The following SLC30A4 variants were observed in gnomAD, a reference collection of about 807,000 sequenced individuals.
SLC30A4 encodes probable proton-coupled zinc antiporter SLC30A4.
In SLC30A4, 20 loss-of-function variants were observed where a neutral mutation model predicts 41.7. That is an observed-to-expected ratio of 0.48 (90% CI 0.34 to 0.70). The LOEUF (loss-of-function observed/expected upper bound fraction) is 0.70. Ranked by LOEUF, SLC30A4 falls within the 30% of genes least tolerant of loss-of-function variation. The probability of loss-of-function intolerance (pLI) is 0.01; values close to 1 mark genes in which losing one functional copy is unlikely to be tolerated. For synonymous variants in SLC30A4, 181 were observed against 195.9 expected (o/e 0.92, Z 0.64); for missense variants, 441 against 529.3 (o/e 0.83, Z 1.64).
At position 45,500,614 on chromosome 15, in the gene SLC30A4, GTCTATCTATCTA is replaced by G. The variant is rs10593774; in HGVS notation, c.539-9745_539-9734del. ...TACTATCCAGCTATGTTAAGGGTCT[GTCTATCTATCTA>G]TCTATCTATCTATCTATCTATCTAT... On this transcript the variant is annotated intron_variant, in intron 3 of 7. Transcript: ENST00000261867. Among the ~76,000 whole-genome samples, 1,399 of 149,734 alleles carry G rather than the reference GTCTATCTATCTA, an allele frequency of 9.3e-3. 15 individuals are homozygous for G. The highest frequency in any genetic ancestry group is 0.053 in the South Asian group (247 of 4,668).
intron 3 of SLC30A4, among the ~76,000 whole-genome samples, chr15:45,491,462 T>G (rs188365472): frequency 3.3e-5 from 5 of 152,328 alleles, no homozygotes; most frequent in Admixed American, 3.3e-4. Flanking sequence ...TGGTGGCTCA[T>G]GCCTGTAATC....
At chr15:45,490,167 A>G (rs1369572967) in intron 4 of SLC30A4, among the ~76,000 whole-genome samples, 1 of 152,048 alleles carries the variant, frequency 6.6e-6, no homozygotes, top group Admixed American at 6.6e-5. Flanking sequence ...TCATAGCTCA[A>G]TGCAGTCTTG....
At chr15:45,518,798 C>T (rs1182462745) in intron 2 of SLC30A4, among the ~76,000 whole-genome samples, 1 of 152,102 alleles carries the variant, frequency 6.6e-6, no homozygotes, top group Non-Finnish European at 1.5e-5. Context: ...CTCCTGAGCT[C>T]AAGCGATCCT....
At chr15:45,494,294 T>G (rs1306285838) in intron 3 of SLC30A4, among the ~76,000 whole-genome samples, 2 of 151,932 alleles carry the variant, frequency 1.3e-5, no homozygotes, top group Admixed American at 1.3e-4. Flanking sequence ...AAACAAAAAG[T>G]AAATAAGTTA....
At chr15:45,485,436 C>A (rs970210170) in intron 7 of SLC30A4, 119 bp from the exon 8 acceptor site, 1 of 659,692 alleles carries the variant, frequency 1.5e-6, no homozygotes, top group African/African-American at 1.9e-5. Context: ...GATTTCTACC[C>A]TCTCTAAGCT....
chr15:45,489,240 G>A (rs905942570), intron 4 of SLC30A4, among the ~76,000 whole-genome samples, 198 bp from the exon 5 acceptor site: 1 of 152,078 alleles, frequency 6.6e-6, no homozygotes, highest in Non-Finnish European at 1.5e-5. Flanking sequence ...TGGAGCTTAT[G>A]TTCTAGTAGA....
At position 45,522,343 on chromosome 15, in the gene SLC30A4, A is replaced by G. The variant is rs752573585; in HGVS notation, c.12T>C (p.Ser4=). 1 of 1,609,742 alleles carries G rather than the reference A, an allele frequency of 6.2e-7. No individual in the cohort carries two copies. Among genetic ancestry groups the G allele is most frequent in the East Asian group, 2.2e-5 (1 of 44,840 alleles). The change falls in exon 2 of 8, where the codon TCT becomes TCC. Residue 4 remains serine, a synonymous_variant. Coordinates refer to ENST00000261867, the MANE Select transcript of SLC30A4 (RefSeq NM_013309.6). ...TAGATTTGAGGCGCTTCCACGCGCCAGAGCCGGCCATGGCAGAGGCTGAGC... is the reference window on the plus strand; with the variant it reads ...TAGATTTGAGGCGCTTCCACGCGCCGGAGCCGGCCATGGCAGAGGCTGAGC... MAG[S]GAWKRLKSML...
intron 4 of SLC30A4, among the ~76,000 whole-genome samples, chr15:45,489,992 G>C (rs1040935551): frequency 2.6e-5 from 4 of 151,916 alleles, no homozygotes; most frequent in African/African-American, 9.7e-5. Flanking sequence ...AGAATATATA[G>C]ATCTCAAAGC....
chr15:45,496,138 A>G (rs533527801), intron 3 of SLC30A4, among the ~76,000 whole-genome samples: 2 of 152,366 alleles, frequency 1.3e-5, no homozygotes, highest in East Asian at 3.9e-4. Context: ...CTAACTAAAA[A>G]TTCTAAGAGC....
chr15:45,481,742 G>C lies in SLC30A4; in HGVS notation c.*3421C>G, dbSNP rs1302637946. 1 of 152,114 alleles carries C rather than the reference G, an allele frequency of 6.6e-6. No individual in the cohort carries two copies. Among genetic ancestry groups the C allele is most frequent in the African/African-American group, 2.4e-5 (1 of 41,420 alleles). The allele number at this position is 152,114 out of a possible 1,614,324, so 9.4% of individuals were successfully genotyped here. A position where few individuals can be genotyped will look rare whatever the true frequency, so the allele number is the denominator to read the frequency against. ...TTTTGTCAGAAGTCATTCAGTCCTT[G>C]GTCCTATCTGCTAAGTTAATGTCCT... On this transcript the variant is annotated 3_prime_UTR_variant, in exon 8 of 8. Coordinates refer to ENST00000261867, the MANE Select transcript of SLC30A4 (RefSeq NM_013309.6).
chr15:45,486,919 A>C (rs1376392267), intron 6 of SLC30A4, among the ~76,000 whole-genome samples, 174 bp from the exon 7 acceptor site: 1 of 152,146 alleles, frequency 6.6e-6, no homozygotes, highest in Non-Finnish European at 1.5e-5. Context: ...TTTTATTAAA[A>C]ATGTAAGATA....
intron 3 of SLC30A4, among the ~76,000 whole-genome samples, chr15:45,507,499 C>CA (rs1193072050): frequency 9.5e-5 from 13 of 136,512 alleles, no homozygotes; most frequent in Non-Finnish European, 1.9e-4. Context: ...TTTCTTTTTC[C>CA]TTTTTTTTTT....
At chr15:45,492,754 G>A (rs1174288427) in intron 3 of SLC30A4, among the ~76,000 whole-genome samples, 1 of 151,900 alleles carries the variant, frequency 6.6e-6, no homozygotes, top group African/African-American at 2.4e-5. Flanking sequence ...AAAGAAAAAA[G>A]AGAATATATA....
chr15:45,490,681 G>A lies in SLC30A4; in HGVS notation c.692+47C>T. Reference sequence around the variant, plus strand: ...ACTGAATGCATATGCAATAGTCTCTGAGTTCACAGTACTTGAAAATATTAA... The same window carrying A: ...ACTGAATGCATATGCAATAGTCTCTAAGTTCACAGTACTTGAAAATATTAA... On this transcript the variant is annotated intron_variant, in intron 4 of 7. Transcript: ENST00000261867. 4 of 1,299,180 alleles carry A rather than the reference G, an allele frequency of 3.1e-6. No homozygotes were observed. The South Asian group carries it at 5.8e-5, about 19-fold the overall frequency. The allele number at this position is 1,299,180 out of a possible 1,614,324, so 80.5% of individuals were successfully genotyped here.
rs1891580301 is a variant in SLC30A4, at chr15:45,479,941, G to A, written c.*5222C>T. Reference sequence around the variant, plus strand: ...ATCATATGCAAAATACCTGGTTTCTGAAAGGGCATATGATAAAGTATATAC... The same window carrying A: ...ATCATATGCAAAATACCTGGTTTCTAAAAGGGCATATGATAAAGTATATAC... On this transcript the variant is annotated 3_prime_UTR_variant, in exon 8 of 8. Coordinates refer to ENST00000261867, the MANE Select transcript of SLC30A4 (RefSeq NM_013309.6). The A allele has an allele frequency of 6.6e-6, 1 of 151,972 alleles. No individual in the cohort carries two copies. Among genetic ancestry groups the A allele is most frequent in the African/African-American group, 2.4e-5 (1 of 41,402 alleles). The allele number at this position is 151,972 out of a possible 1,614,324, so 9.4% of individuals were successfully genotyped here. A position where few individuals can be genotyped will look rare whatever the true frequency, so the allele number is the denominator to read the frequency against.
At chr15:45,516,578 T>G (rs950161718) in intron 2 of SLC30A4, among the ~76,000 whole-genome samples, 1 of 152,094 alleles carries the variant, frequency 6.6e-6, no homozygotes, top group Non-Finnish European at 1.5e-5. Context: ...ATCTCTTTAT[T>G]GTATAAGAGG....
chr15:45,481,885 G>A lies in SLC30A4; in HGVS notation c.*3278C>T, dbSNP rs1891606825. The A allele has an allele frequency of 1.3e-5, 2 of 151,812 alleles. No individual in the cohort carries two copies. Among genetic ancestry groups the A allele is most frequent in the African/African-American group, 4.8e-5 (2 of 41,308 alleles). The allele number at this position is 151,812 out of a possible 1,614,324, so 9.4% of individuals were successfully genotyped here. ...AAAAACAAAGCACAGGAAACTTTAT[G>A]TGTACCTCACTTTAAGCAGAACACG... On this transcript the variant is annotated 3_prime_UTR_variant, in exon 8 of 8. Transcript: ENST00000261867.
In SLC30A4 at chr15:45,522,073, G is replaced by A; in HGVS notation, c.282C>T (p.Ser94=). The A allele has an allele frequency of 1.2e-6, 2 of 1,614,216 alleles. No homozygotes were observed. Among genetic ancestry groups the A allele is most frequent in the Non-Finnish European group, 1.7e-6 (2 of 1,180,042 alleles). Residue 94 remains serine, a synonymous_variant, in exon 2 of 8, where the codon TCC becomes TCT. Transcript: ENST00000261867. ...TNSQLSLKVD[S]CDNCSKQREI... ...CTCTCTGTTTGCTGCAGTTGTCACA[G>A]GAGTCCACCTTCAAACTCAGCTGAC...
At chr15:45,511,682 C>G (rs1233295264) in intron 2 of SLC30A4, among the ~76,000 whole-genome samples, 1 of 152,160 alleles carries the variant, frequency 6.6e-6, no homozygotes, top group Admixed American at 6.6e-5. Flanking sequence ...CAGGGTTTCA[C>G]CATGTTGGCC....
Sources: gnomAD v4.1 joint callset for allele counts (sites outside exome capture counted in the v4.1 genomes callset) on GRCh38, gnomAD v4.1.1 for gene constraint, MANE v1.5 for transcripts, NCBI Gene and HGNC (gene_info 2026-07-23, HGNC 2026-07-21) for gene names.